TPRN: variants seen among roughly 807,000 people sequenced by gnomAD.
TPRN encodes taperin.
Under a neutral mutation model 42.6 loss-of-function variants are expected in TPRN, and 32 were observed. The observed-to-expected ratio is 0.75, with a 90% CI of 0.57 to 1.01. The LOEUF (loss-of-function observed/expected upper bound fraction) is 1.01, where lower values mean the gene tolerates loss of function less well. Ranked by LOEUF, TPRN falls within the 50% of genes least tolerant of loss-of-function variation. TPRN has a pLI of 0.00. For missense variants in TPRN, 1,095 were observed against 957.5 expected, an observed-to-expected ratio of 1.14 and a Z score of -1.90; for synonymous variants, 541 against 445.6, an observed-to-expected ratio of 1.21 and a Z score of -2.70.
intron 1 of TPRN, chr9:137,193,913 T>C (rs762200910): frequency 3.9e-5 from 6 of 152,394 alleles, no homozygotes; most frequent in Non-Finnish European, 8.8e-5. Context: ...CTTGCCATCA[T>C]GCTCTCTCCC....
At position 137,200,369 on chromosome 9, in the gene TPRN, C is replaced by T. The variant is rs1834787306; in HGVS notation, c.343G>A (p.Ala115Thr). The change falls in exon 1 of 4, where the codon GCC (alanine) becomes ACC (threonine). Residue 115 changes from alanine to threonine, a missense_variant. Ala to Thr is a moderately conservative substitution (Grantham distance 58, BLOSUM62 0). Transcript: ENST00000409012. This position sits in a 1 kb window ranked among gnomAD's most constrained non-coding sequence, Gnocchi z 4.3. ...ACCTCGGCGGCGCGGATCTGCGCGG[C>T]CCCCGGGGCGGGCGGCGCGGGCGGG... ...GFPPAPPAPG[A>T]AQIRAAEVLV... 9.4e-7 allele frequency: 1 copy of T among 1,068,890 alleles called. No homozygotes were observed. Among genetic ancestry groups the T allele is most frequent in the Non-Finnish European group, 1.1e-6 (1 of 888,772 alleles). 66.2% of individuals were successfully genotyped at this position (1,068,890 alleles called of 1,614,324 possible).
At chr9:137,196,874 T>G (rs1056822333) in intron 1 of TPRN, among the ~76,000 whole-genome samples, 7 of 152,212 alleles carry the variant, frequency 4.6e-5, no homozygotes, top group African/African-American at 1.7e-4. Flanking sequence ...GTCATGCTGC[T>G]CTGGCAGGGC....
At chr9:137,197,583 G>A (rs1490088747) in intron 1 of TPRN, among the ~76,000 whole-genome samples, 2 of 152,184 alleles carry the variant, frequency 1.3e-5, no homozygotes. Flanking sequence ...AAGCTGAGGC[G>A]CAGTTTCTCT....
chr9:137,200,662 G>A lies in TPRN; in HGVS notation c.50C>T (p.Ala17Val). 8.1e-7 allele frequency: 1 copy of A among 1,237,182 alleles called. No individual in the cohort carries two copies. The highest frequency in any genetic ancestry group is 2.1e-5 in the South Asian group (1 of 48,442). 76.6% of individuals were successfully genotyped at this position (1,237,182 alleles called of 1,614,324 possible). A position where few individuals can be genotyped will look rare whatever the true frequency, so the allele number is the denominator to read the frequency against. The change falls in exon 1 of 4, where the codon GCT becomes GTT. Residue 17 changes from alanine (A) to valine (V), a missense_variant. Coordinates refer to ENST00000409012, the MANE Select transcript of TPRN (RefSeq NM_001128228.3). This position sits in a 1 kb window ranked among gnomAD's most constrained non-coding sequence, Gnocchi z 4.3. Reference sequence around the variant, plus strand: ...CCGCTCCAGGATCTCACGCTTCCAAGCGGGCACCGCAGCGCGCGGCCCCGA... The same window carrying A: ...CCGCTCCAGGATCTCACGCTTCCAAACGGGCACCGCAGCGCGCGGCCCCGA... ...PGSGPRAAVP[A>V]WKREILERKR...
intron 1 of TPRN, among the ~76,000 whole-genome samples, chr9:137,197,375 A>G (rs928036722): frequency 2.6e-5 from 4 of 152,060 alleles, no homozygotes; most frequent in Admixed American, 2.0e-4. Context: ...TGCTGGGATT[A>G]CAAGGTGTGA....
chr9:137,199,560 G>C lies in TPRN; in HGVS notation c.1152C>G (p.Ser384Arg), dbSNP rs767872569. The part of the protein sequence containing the change: ...GGDGAPALGK[S>R]PLEVEAQWAV... ...CCCACTGTGCCTCGACCTCCAGGGG[G>C]CTCTTCCCGAGGGCAGGCGCACCAT... is the stretch of plus-strand genomic sequence containing the variant. The change falls in exon 1 of 4, where the codon AGC becomes AGG. Residue 384 changes from serine (S) to arginine (R), a missense_variant. Coordinates refer to ENST00000409012, the MANE Select transcript of TPRN (RefSeq NM_001128228.3). 9 of 1,559,008 alleles carry C rather than the reference G, an allele frequency of 5.8e-6. No homozygotes were observed. In the Admixed American group the frequency reaches 1.5e-4, roughly 27 times the overall value.
chr9:137,199,284 C>G lies in TPRN; in HGVS notation c.1428G>C (p.Pro476=). The change falls in exon 1 of 4, where the codon CCG becomes CCC. Residue 476 remains proline (P), a synonymous_variant. Coordinates refer to ENST00000409012, the MANE Select transcript of TPRN (RefSeq NM_001128228.3). ...APQAAKLPYL[P]HPARPLHPAR... is the part of the protein sequence containing the mutation. ...CAGGGTGCAGAGGCCTGGCAGGGTGCGGGAGGTAGGGTAGTTTGGCTGCTT... is the reference window on the plus strand; with the variant it reads ...CAGGGTGCAGAGGCCTGGCAGGGTGGGGGAGGTAGGGTAGTTTGGCTGCTT... 6.2e-7 allele frequency: 1 copy of G among 1,612,332 alleles called. No homozygotes were observed. The highest frequency in any genetic ancestry group is 8.5e-7 in the Non-Finnish European group (1 of 1,179,950).
rs1171945044 is a variant in TPRN at position 137,192,601 on chromosome 9, G to C, written c.1816C>G (p.Gln606Glu). ...SLEQEEEVDQ[Q>E]EEEEEEEEEE... ...TCCTCCTCCTCCTCCTCCTCCTCCT[G>C]CTGGTCCACCTCTTCCTCCTGCTCT... The change falls in exon 2 of 4, where the codon CAG (glutamine) becomes GAG (glutamate). Residue 606 changes from glutamine (Q) to glutamate (E), a missense_variant. Gln to Glu is a conservative substitution (Grantham distance 29). Coordinates refer to ENST00000409012, the MANE Select transcript of TPRN (RefSeq NM_001128228.3). 1.2e-6 allele frequency: 2 copies of C among 1,613,096 alleles called. No individual in the cohort carries two copies. Among genetic ancestry groups the C allele is most frequent in the Middle Eastern group, 1.7e-4 (1 of 6,040 alleles).
At chr9:137,197,398 A>G (rs371470254) in intron 1 of TPRN, among the ~76,000 whole-genome samples, 2 of 152,226 alleles carry the variant, frequency 1.3e-5, no homozygotes, top group East Asian at 1.9e-4. Flanking sequence ...CACCGCGCCC[A>G]GCCCAGTTCT....
Position 137,200,319 on chromosome 9 carries a change from G to A in TPRN, c.393C>T (p.Gly131=), listed in dbSNP as rs1396405465. 80 of 1,005,234 alleles carry A rather than the reference G, an allele frequency of 8.0e-5. No individual in the cohort carries two copies. The highest frequency in any genetic ancestry group is 1.8e-4 in the Admixed American group (3 of 16,570). The allele number at this position is 1,005,234 out of a possible 1,614,324, so 62.3% of individuals were successfully genotyped here. A position where few individuals can be genotyped will look rare whatever the true frequency, so the allele number is the denominator to read the frequency against. ...ACCTCTCCAGTAGGCGGCTGACGCG[G>A]CCGGGCGGCGCCCCGTACACCAGCA... ...AEVLVYGAPP[G]RVSRLLERFD... Residue 131 remains glycine (G), a synonymous_variant, in exon 1 of 4, where the codon GGC becomes GGT. Coordinates refer to ENST00000409012, the MANE Select transcript of TPRN (RefSeq NM_001128228.3). The surrounding 1 kb of genome is among the most constrained non-coding windows in gnomAD (Gnocchi z 4.3).
Position 137,199,361 on chromosome 9 carries a change from G to A in TPRN, c.1351C>T (p.Pro451Ser), listed in dbSNP as rs1834758471. 6.2e-7 allele frequency: 1 copy of A among 1,612,790 alleles called. No individual in the cohort carries two copies. The highest frequency in any genetic ancestry group is 2.2e-5 in the East Asian group (1 of 44,882). Residue 451 changes from proline to serine, a missense_variant, in exon 1 of 4, where the codon CCG (proline) becomes TCG (serine). Pro to Ser is a moderately conservative substitution (Grantham distance 74). Transcript: ENST00000409012. ...LAKNSREYVR[P>S]GLPVTFIDEV... ...TCGATGAAGGTGACAGGCAGCCCCG[G>A]CCTCACATATTCCCGGCTATTCTTG...
At position 137,192,062 on chromosome 9, in the gene TPRN, T is replaced by C; in HGVS notation, c.*50A>G. The C allele has an allele frequency of 6.2e-7, 1 of 1,604,250 alleles. No homozygotes were observed. The highest frequency in any genetic ancestry group is 8.5e-7 in the Non-Finnish European group (1 of 1,178,204). On this transcript the variant is annotated 3_prime_UTR_variant, in exon 4 of 4. Transcript: ENST00000409012. Reference sequence around the variant, plus strand: ...CAGTAGTCCCTGGCTACTGCCCAGCTTCCGGGACTCCCACAGCTGGGCTCA... The same window carrying C: ...CAGTAGTCCCTGGCTACTGCCCAGCCTCCGGGACTCCCACAGCTGGGCTCA...
intron 1 of TPRN, chr9:137,193,015 G>A: frequency 2.6e-6 from 1 of 388,492 alleles, no homozygotes; most frequent in Non-Finnish European, 4.7e-6. Flanking sequence ...CTCCTGCTCT[G>A]CTGTCTGGGC....
rs774850571 is a variant in TPRN, at chr9:137,199,351, G to C, written c.1361C>G (p.Pro454Arg). ...NSREYVRPGL[P>R]VTFIDEVDSE... The stretch of plus-strand genomic sequence containing the variant: ...GTCTACCTCATCGATGAAGGTGACA[G>C]GCAGCCCCGGCCTCACATATTCCCG... The change falls in exon 1 of 4, where the codon CCT becomes CGT. Residue 454 changes from proline to arginine, a missense_variant. Coordinates refer to ENST00000409012, the MANE Select transcript of TPRN (RefSeq NM_001128228.3). 1.9e-6 allele frequency: 3 copies of C among 1,612,768 alleles called. No homozygotes were observed. The highest frequency in any genetic ancestry group is 2.2e-5 in the East Asian group (1 of 44,884).
chr9:137,199,918 G>A lies in TPRN; in HGVS notation c.794C>T (p.Pro265Leu). The A allele has an allele frequency of 1.3e-6, 2 of 1,506,254 alleles. No homozygotes were observed. 93.3% of individuals were successfully genotyped at this position (1,506,254 alleles called of 1,614,324 possible). A position where few individuals can be genotyped will look rare whatever the true frequency, so the allele number is the denominator to read the frequency against. ...GGCTGGAGTGGCACTCGGGGTCCCG[G>A]GGCTGGGGGGCGGGTGGAGGGAGGG... ...GDPSLHPPPS[P>L]GTPSATPASP... Residue 265 changes from proline (P) to leucine (L), a missense_variant, in exon 1 of 4, where the codon CCC (proline) becomes CTC (leucine). Coordinates refer to ENST00000409012, the MANE Select transcript of TPRN (RefSeq NM_001128228.3).
At position 137,200,619 on chromosome 9, in the gene TPRN, G is replaced by T. The variant is rs1834795391; in HGVS notation, c.93C>A (p.Ala31=). Residue 31 remains alanine, a synonymous_variant, in exon 1 of 4, where the codon GCC becomes GCA. Coordinates refer to ENST00000409012, the MANE Select transcript of TPRN (RefSeq NM_001128228.3). This position sits in a 1 kb window ranked among gnomAD's most constrained non-coding sequence, Gnocchi z 4.3. ...EILERKRAKL[A]ALGGGAGPGA... ...CGGGCCCCGCGCCCCCGCCCAGCGC[G>T]GCTAGCTTGGCCCGCTTCCGCTCCA... The T allele has an allele frequency of 1.7e-6, 2 of 1,169,064 alleles. No individual in the cohort carries two copies. The highest frequency in any genetic ancestry group is 2.1e-6 in the Non-Finnish European group (2 of 949,638). The allele number at this position is 1,169,064 out of a possible 1,614,324, so 72.4% of individuals were successfully genotyped here.
At position 137,199,234 on chromosome 9, in the gene TPRN, A is replaced by G; in HGVS notation, c.1478T>C (p.Leu493Pro). 6.2e-7 allele frequency: 1 copy of G among 1,612,930 alleles called. No individual in the cohort carries two copies. The highest frequency in any genetic ancestry group is 8.5e-7 in the Non-Finnish European group (1 of 1,179,964). ...HPARPGCVAE[L>P]QPRGSNTFTV... ...GAAGGTGTTGCTGCCCCGGGGCTGAAGCTCTGCCACGCACCCGGGCCTGGC... is the reference window on the plus strand; with the variant it reads ...GAAGGTGTTGCTGCCCCGGGGCTGAGGCTCTGCCACGCACCCGGGCCTGGC... The change falls in exon 1 of 4, where the codon CTT becomes CCT. Residue 493 changes from leucine (L) to proline (P), a missense_variant. Leu to Pro is a moderately conservative substitution (Grantham distance 98). Coordinates refer to ENST00000409012, the MANE Select transcript of TPRN (RefSeq NM_001128228.3).
In TPRN at chr9:137,192,538, C is replaced by G. The variant is rs1409311137; in HGVS notation, c.1879G>C (p.Glu627Gln). The change falls in exon 2 of 4, where the codon GAG becomes CAG. Residue 627 changes from glutamate (E) to glutamine (Q), a missense_variant. Glu to Gln is a conservative substitution (Grantham distance 29). Coordinates refer to ENST00000409012, the MANE Select transcript of TPRN (RefSeq NM_001128228.3). Reference sequence around the variant, plus strand: ...GGCAGGAAGAGTGCAAAGGGCTTCTCCTCTGAGCCGGATCCCTCTTCCTCC... The same window carrying G: ...GGCAGGAAGAGTGCAAAGGGCTTCTGCTCTGAGCCGGATCCCTCTTCCTCC... Reference protein sequence around the residue: ...EEEEEGSGSEEKPFALFLPRA... With the variant: ...EEEEEGSGSEQKPFALFLPRA... 1 of 1,608,834 alleles carries G rather than the reference C, an allele frequency of 6.2e-7. No homozygotes were observed. The highest frequency in any genetic ancestry group is 1.1e-5 in the South Asian group (1 of 90,522).
At chr9:137,198,262 A>T (rs1481396133) in intron 1 of TPRN, among the ~76,000 whole-genome samples, 1 of 152,216 alleles carries the variant, frequency 6.6e-6, no homozygotes, top group Non-Finnish European at 1.5e-5. Context: ...CAGGTGCAGG[A>T]ATTACCAGAA....
Sources: allele counts gnomAD v4.1 joint callset (sites outside exome capture counted in the v4.1 genomes callset), GRCh38; gene constraint gnomAD v4.1.1; non-coding constraint Gnocchi (gnomAD v3.1); transcripts MANE v1.5; gene names NCBI Gene and HGNC (gene_info 2026-07-23, HGNC 2026-07-21).